ZNF532: variants seen among roughly 807,000 people sequenced by gnomAD.
ZNF532 encodes zinc finger protein 532.
In ZNF532, 22 loss-of-function variants were observed where a neutral mutation model predicts 89.3. That is an observed-to-expected ratio of 0.25 (90% confidence interval 0.18 to 0.35). The LOEUF is 0.35. Among genes scored for constraint, ZNF532 ranks in the 10% least tolerant of loss-of-function variants. ZNF532 has a pLI of 1.00. For synonymous variants in ZNF532, 606 were observed against 649.6 expected (o/e 0.93, Z 1.02); for missense variants, 1,132 against 1,643.4 (o/e 0.69, Z 5.38).
In ZNF532 at chr18:58,884,925, C is replaced by T. The variant is rs575499521; in HGVS notation, c.-18+19346C>T. Among the ~76,000 whole-genome samples the T allele has an allele frequency of 1.7e-4, 26 of 151,022 alleles. 1 individual carries two copies. Among genetic ancestry groups the T allele is most frequent in the South Asian group, 4.2e-4 (2 of 4,770 alleles). On this transcript the variant is annotated intron_variant, in intron 2 of 9. Coordinates refer to ENST00000591808, the MANE Select transcript of ZNF532 (RefSeq NM_001375912.1). ...TAAAAGTGACAGGTTTAGCCTAGAC[C>T]GTTTCAGTATTTCTATAAACTCACT...
chr18:58,979,381 A>G (rs2067443572), intron 8 of ZNF532: 2 of 328,582 alleles, frequency 6.1e-6, no homozygotes, highest in Non-Finnish European at 1.1e-5. Context: ...CATATCCCAC[A>G]TACATTGTGT....
At chr18:58,873,415 G>T (rs142799714) in intron 2 of ZNF532, among the ~76,000 whole-genome samples, 1 of 151,698 alleles carries the variant, frequency 6.6e-6, no homozygotes, top group African/African-American at 2.4e-5. Flanking sequence ...CGAGGTACTT[G>T]TTGAGAAGCT....
chr18:58,948,030 C>A, intron 5 of ZNF532, 37 bp from the exon 6 acceptor site: 1 of 1,570,314 alleles, frequency 6.4e-7, no homozygotes, highest in Non-Finnish European at 8.6e-7. Flanking sequence ...CTTAAAGAGG[C>A]TGACTGACAT....
At chr18:58,947,002 A>G (rs552394776) in intron 5 of ZNF532, among the ~76,000 whole-genome samples, 13 of 152,298 alleles carry the variant, frequency 8.5e-5, no homozygotes, top group African/African-American at 2.6e-4. Context: ...ACTTTGCCGT[A>G]GGAATGCCAG....
At chr18:58,914,806 A>AG (rs2060493210) in intron 2 of ZNF532, among the ~76,000 whole-genome samples, 2 of 152,326 alleles carry the variant, frequency 1.3e-5, no homozygotes, top group South Asian at 4.1e-4. Context: ...CAAACTGTTG[A>AG]GGGAAAGGGA....
chr18:58,948,345 G>A, intron 6 of ZNF532, 116 bp downstream of exon 6: 1 of 1,079,804 alleles, frequency 9.3e-7, no homozygotes, highest in Non-Finnish European at 1.3e-6. Context: ...GGAAGGGATG[G>A]ATGCTGGTCG....
chr18:58,886,423 G>T (rs1037805626), intron 2 of ZNF532, among the ~76,000 whole-genome samples: 1 of 151,440 alleles, frequency 6.6e-6, no homozygotes, highest in African/African-American at 2.4e-5. Flanking sequence ...AATCTTGATT[G>T]TTCCACTTCA....
At chr18:58,893,946 T>G (rs1477604284) in intron 2 of ZNF532, among the ~76,000 whole-genome samples, 1 of 152,196 alleles carries the variant, frequency 6.6e-6, no homozygotes, top group Non-Finnish European at 1.5e-5. Context: ...TTGCTTGTCC[T>G]GTATTTACTG....
Position 58,896,512 on chromosome 18 carries a change from G to C in ZNF532, c.-17-21759G>C, listed in dbSNP as rs565147053. The C allele has an allele frequency of 8.6e-4, 131 of 152,450 alleles. 1 individual carries two copies. The highest frequency in any genetic ancestry group is 3.0e-3 in the African/African-American group (126 of 41,528). 9.4% of individuals were successfully genotyped at this position (152,450 alleles called of 1,614,324 possible). Reference sequence around the variant, plus strand: ...ACCCATGTCTGGGCTGGGAAGGTGGGGAAAGAGGCTGCTGCACATGCTTGG... The same window carrying C: ...ACCCATGTCTGGGCTGGGAAGGTGGCGAAAGAGGCTGCTGCACATGCTTGG... On this transcript the variant is annotated intron_variant, in intron 2 of 9. Coordinates refer to ENST00000591808, the MANE Select transcript of ZNF532 (RefSeq NM_001375912.1).
chr18:58,874,480 G>A (rs35462339), intron 2 of ZNF532, among the ~76,000 whole-genome samples: 1 of 128,912 alleles, frequency 7.8e-6, no homozygotes, highest in Admixed American at 7.6e-5. Flanking sequence ...GTGTAGCTGG[G>A]GTTACAGGCG....
chr18:58,878,098 G>A lies in ZNF532; in HGVS notation c.-18+12519G>A, dbSNP rs1396381846. Among the ~76,000 whole-genome samples the A allele has an allele frequency of 2.0e-5, 3 of 151,882 alleles. No homozygotes were observed. In the East Asian group the frequency reaches 5.8e-4, roughly 29 times the overall value. ...GGTGAAACCCAGTCTCTACTAAAATGACAAAAAGTAGCTAGGTGTGGTGGC... is the reference window on the plus strand; with the variant it reads ...GGTGAAACCCAGTCTCTACTAAAATAACAAAAAGTAGCTAGGTGTGGTGGC... On this transcript the variant is annotated intron_variant, in intron 2 of 9. Transcript: ENST00000591808.
rs1436102680 is a variant in ZNF532 at position 58,919,492 on chromosome 18, C to G, written c.1205C>G (p.Ser402Cys). The change falls in exon 3 of 10, where the codon TCT (serine) becomes TGT (cysteine). Residue 402 changes from serine to cysteine, a missense_variant. This residue lies in a region of ZNF532 where 124 missense variants were observed against 191.6 expected (regional missense o/e 0.65). Transcript: ENST00000591808. This position sits in a 1 kb window ranked among gnomAD's most constrained non-coding sequence, Gnocchi z 6.1. ...PSEQTASVMA[S>C]VTSLLSSPAS... Reference sequence around the variant, plus strand: ...GAGCAGACAGCGTCCGTGATGGCCTCTGTGACATCCCTTCTGTCGTCTCCA... The same window carrying G: ...GAGCAGACAGCGTCCGTGATGGCCTGTGTGACATCCCTTCTGTCGTCTCCA... 1 of 1,614,102 alleles carries G rather than the reference C, an allele frequency of 6.2e-7. No individual in the cohort carries two copies. Among genetic ancestry groups the G allele is most frequent in the Non-Finnish European group, 8.5e-7 (1 of 1,180,048 alleles).
intron 7 of ZNF532, among the ~76,000 whole-genome samples, chr18:58,976,374 T>G (rs2067053223): frequency 1.3e-5 from 2 of 152,242 alleles, no homozygotes; most frequent in South Asian, 4.1e-4. Flanking sequence ...TTGATGTTAA[T>G]ATTACTACAC....
Position 58,984,395 on chromosome 18 carries a change from TTAAA to T in ZNF532, c.3838_3841del (p.Asn1280LeufsTer16). The T allele has an allele frequency of 6.2e-7, 1 of 1,612,014 alleles. No individual in the cohort carries two copies. The highest frequency in any genetic ancestry group is 8.5e-7 in the Non-Finnish European group (1 of 1,179,850). ...AAAAACTTTTGAAACTGAAGCTGCC[TTAAA>T]TACTCACATGCGGACACACGGCATG... On this transcript the variant is annotated frameshift_variant, in exon 10 of 10. Coordinates refer to ENST00000591808, the MANE Select transcript of ZNF532 (RefSeq NM_001375912.1). LOFTEE classifies it high-confidence loss of function.
intron 2 of ZNF532, among the ~76,000 whole-genome samples, chr18:58,890,234 T>A (rs12958935): frequency 0.43 from 65,305 of 151,030 alleles, 14,715 homozygotes; most frequent in East Asian, 0.62. Flanking sequence ...GGAGGAAAAA[T>A]ATATATATAT....
chr18:58,913,781 A>T (rs2060428272), intron 2 of ZNF532, among the ~76,000 whole-genome samples: 1 of 152,212 alleles, frequency 6.6e-6, no homozygotes, highest in Admixed American at 6.5e-5. Context: ...GATGGTCAGT[A>T]GACTTTGATT....
At chr18:58,947,998 T>G in intron 5 of ZNF532, 69 bp from the exon 6 acceptor site, 1 of 1,478,064 alleles carries the variant, frequency 6.8e-7, no homozygotes, top group Non-Finnish European at 9.1e-7. Context: ...GTTCTTCAGC[T>G]ATAAAGTAGC....
At chr18:58,955,532 C>G (rs145478775) in intron 7 of ZNF532, among the ~76,000 whole-genome samples, 365 of 152,306 alleles carry the variant, frequency 2.4e-3, no homozygotes, top group Middle Eastern at 6.8e-3. Context: ...GCAGTTTGCT[C>G]TATTAAATGT....
At chr18:58,958,149 T>G (rs956456604) in intron 7 of ZNF532, among the ~76,000 whole-genome samples, 1 of 152,206 alleles carries the variant, frequency 6.6e-6, no homozygotes, top group Non-Finnish European at 1.5e-5. Flanking sequence ...ATGCTCTTTT[T>G]AAAAAATGAA....
Sources: allele counts gnomAD v4.1 joint callset (sites outside exome capture counted in the v4.1 genomes callset), GRCh38; gene constraint gnomAD v4.1.1; regional missense constraint gnomAD v4.1.1; non-coding constraint Gnocchi (gnomAD v3.1); transcripts MANE v1.5; gene names NCBI Gene and HGNC (gene_info 2026-07-23, HGNC 2026-07-21).